CSMD1: variants seen among roughly 807,000 people sequenced by gnomAD.
CSMD1 encodes CUB and sushi domain-containing protein 1.
A neutral mutation model predicts 417.5 loss-of-function variants in CSMD1; 213 were observed. The observed-to-expected ratio is 0.51, with a 90% CI of 0.46 to 0.57. The LOEUF (loss-of-function observed/expected upper bound fraction) is 0.57. CSMD1 is among the 20% of genes least tolerant of loss of function. The pLI, the probability that CSMD1 is intolerant of heterozygous loss-of-function variation, is 0.00. For missense variants in CSMD1, 6,923 were observed against 4,529.7 expected (o/e 1.53, Z -15.17); for synonymous variants, 2,862 against 1,736.8 (o/e 1.65, Z -16.11).
chr8:3,654,560 G>C (rs1798010378), intron 7 of CSMD1, among the ~76,000 whole-genome samples: 2 of 152,182 alleles, frequency 1.3e-5, no homozygotes, highest in South Asian at 4.1e-4. Context: ...TATACGGAGA[G>C]TTTAGGAGAA....
chr8:4,242,951 T>A (rs1254773393), intron 3 of CSMD1, among the ~76,000 whole-genome samples: 1 of 152,174 alleles, frequency 6.6e-6, no homozygotes, highest in Non-Finnish European at 1.5e-5. Context: ...TAACATTGCA[T>A]GAAAAGTCAA....
chr8:4,779,013 A>G (rs1797015257), intron 1 of CSMD1, among the ~76,000 whole-genome samples: 1 of 152,218 alleles, frequency 6.6e-6, no homozygotes, highest in Non-Finnish European at 1.5e-5. Context: ...TAGGTATGCA[A>G]TGACCAGATT....
At chr8:4,157,757 G>C (rs1247302711) in intron 3 of CSMD1, among the ~76,000 whole-genome samples, 1 of 152,230 alleles carries the variant, frequency 6.6e-6, no homozygotes, top group African/African-American at 2.4e-5. Flanking sequence ...GGCCAGGGCT[G>C]ACCTGCCTGG....
At chr8:3,310,928 G>A (rs994715261) in intron 23 of CSMD1, among the ~76,000 whole-genome samples, 3 of 152,178 alleles carry the variant, frequency 2.0e-5, no homozygotes, top group Non-Finnish European at 2.9e-5. Context: ...TGCACGTAAT[G>A]CTTCTAAACT....
intron 3 of CSMD1, among the ~76,000 whole-genome samples, chr8:4,076,707 C>G (rs576464902): frequency 6.6e-6 from 1 of 152,196 alleles, no homozygotes. Flanking sequence ...TTGTCTTTCA[C>G]TGCTACTCAT....
chr8:3,648,384 G>T (rs549226337), intron 7 of CSMD1, among the ~76,000 whole-genome samples: 1 of 152,258 alleles, frequency 6.6e-6, no homozygotes, highest in African/African-American at 2.4e-5. Flanking sequence ...TTAAGACTTT[G>T]TGAGACTGAC....
chr8:4,049,396 C>T (rs893538656), intron 3 of CSMD1, among the ~76,000 whole-genome samples: 11 of 151,814 alleles, frequency 7.2e-5, no homozygotes, highest in Admixed American at 2.0e-4. Flanking sequence ...CATTGCCAAA[C>T]GTCATCTGCG....
chr8:3,904,498 T>G (rs138598987), intron 5 of CSMD1, among the ~76,000 whole-genome samples: 3 of 152,354 alleles, frequency 2.0e-5, no homozygotes, highest in Non-Finnish European at 4.4e-5. Flanking sequence ...ACGGTGCGGC[T>G]TGGTATTCCA....
At chr8:3,992,286 T>A (rs1370974712) in intron 5 of CSMD1, among the ~76,000 whole-genome samples, 1 of 152,132 alleles carries the variant, frequency 6.6e-6, no homozygotes. Flanking sequence ...AACTTGACCC[T>A]TTTGCCTACC....
intron 3 of CSMD1, among the ~76,000 whole-genome samples, chr8:4,410,153 C>G (rs765188560): frequency 2.0e-5 from 3 of 152,156 alleles, no homozygotes; most frequent in African/African-American, 4.8e-5. Context: ...CTAGGCTAAT[C>G]TAGGCCAAAT....
At chr8:3,298,535 C>A (rs1008593828) in intron 25 of CSMD1, among the ~76,000 whole-genome samples, 1 of 152,162 alleles carries the variant, frequency 6.6e-6, no homozygotes, top group Non-Finnish European at 1.5e-5. Context: ...CTCACTGCAA[C>A]CTCTGCCTCC....
chr8:3,519,041 C>T (rs1797396137), intron 10 of CSMD1, among the ~76,000 whole-genome samples: 1 of 152,168 alleles, frequency 6.6e-6, no homozygotes. Context: ...TCTATCGCAA[C>T]ATTTTAAAAA....
At chr8:4,971,092 A>AT (rs890526772) in intron 1 of CSMD1, among the ~76,000 whole-genome samples, 1 of 151,764 alleles carries the variant, frequency 6.6e-6, no homozygotes, top group African/African-American at 2.4e-5. Flanking sequence ...TTTGGATCTC[A>AT]TTTTTTTCAT....
At chr8:3,474,764 CAT>C (rs1189427599) in intron 11 of CSMD1, among the ~76,000 whole-genome samples, 2 of 152,120 alleles carry the variant, frequency 1.3e-5, no homozygotes, top group Non-Finnish European at 2.9e-5. Flanking sequence ...TTCATCAAAA[CAT>C]ATAGTTACAC....
intron 2 of CSMD1, among the ~76,000 whole-genome samples, chr8:4,618,124 T>A (rs569761795): frequency 8.9e-4 from 135 of 152,160 alleles, no homozygotes; most frequent in African/African-American, 3.1e-3. Flanking sequence ...ACATGAAAGG[T>A]TTCTGTCCTT....
chr8:3,287,166 C>G (rs1319579307), intron 25 of CSMD1, among the ~76,000 whole-genome samples: 1 of 148,556 alleles, frequency 6.7e-6, no homozygotes, highest in Non-Finnish European at 1.5e-5. Context: ...GGGCTCTGTT[C>G]TGTTCCATTG....
intron 10 of CSMD1, among the ~76,000 whole-genome samples, chr8:3,560,151 A>G (rs781476414): frequency 1.6e-4 from 25 of 152,194 alleles, no homozygotes; most frequent in Admixed American, 2.6e-4. Context: ...TGATTATATA[A>G]CTTATCTCTG....
At chr8:3,818,953 T>G (rs773112237) in intron 5 of CSMD1, among the ~76,000 whole-genome samples, 1 of 152,016 alleles carries the variant, frequency 6.6e-6, no homozygotes, top group Non-Finnish European at 1.5e-5. Flanking sequence ...TTCTAAGGGG[T>G]TTGGTAGTTG....
chr8:4,578,415 A>G (rs1327346131), intron 2 of CSMD1, among the ~76,000 whole-genome samples: 12 of 138,426 alleles, frequency 8.7e-5, no homozygotes, highest in African/African-American at 3.3e-4. Context: ...TCCTGATCTC[A>G]TGATTCGCCC....
Sources: allele counts gnomAD v4.1 joint callset (sites outside exome capture counted in the v4.1 genomes callset), GRCh38; gene constraint gnomAD v4.1.1; transcripts MANE v1.5; gene names NCBI Gene and HGNC (gene_info 2026-07-23, HGNC 2026-07-21).